GRIK3: variants seen among roughly 807,000 people sequenced by gnomAD.
GRIK3 encodes the protein glutamate receptor ionotropic, kainate 3.
In GRIK3, 29 loss-of-function variants were observed where a neutral mutation model predicts 102.5. The observed-to-expected ratio is 0.28, with a 90% CI of 0.21 to 0.39. The LOEUF is 0.39. GRIK3 is among the 10% of genes least tolerant of loss of function. The pLI, the probability that GRIK3 is intolerant of heterozygous loss-of-function variation, is 1.00. For missense variants in GRIK3, 908 were observed against 1,252.4 expected (o/e 0.73, Z 4.15); for synonymous variants, 511 against 504.9 (o/e 1.01, Z -0.16).
intron 1 of GRIK3, among the ~76,000 whole-genome samples, chr1:36,941,475 C>T (rs932024595): frequency 3.3e-5 from 5 of 152,076 alleles, no homozygotes; most frequent in African/African-American, 7.2e-5. Context: ...GGTGGCTTCA[C>T]GGGACAGGAG....
chr1:36,915,370 C>A (rs960156071), intron 1 of GRIK3, among the ~76,000 whole-genome samples: 2 of 152,320 alleles, frequency 1.3e-5, no homozygotes, highest in Non-Finnish European at 1.5e-5. Context: ...GTGCCTAGAA[C>A]AAGACCTGGC....
At chr1:36,825,953 T>A (rs1642751143) in intron 10 of GRIK3, 127 bp from the exon 11 acceptor site, 1 of 642,984 alleles carries the variant, frequency 1.6e-6, no homozygotes, top group Admixed American at 3.1e-5. Context: ...CACTAACCGC[T>A]CTTCTGTTTC....
intron 1 of GRIK3, among the ~76,000 whole-genome samples, chr1:36,902,320 AC>A (rs1641240353): frequency 6.6e-6 from 1 of 152,226 alleles, no homozygotes; most frequent in Non-Finnish European, 1.5e-5. Context: ...ACACGGCTCA[AC>A]TTCAAGACTT....
At chr1:37,009,336 T>C (rs992410575) in intron 1 of GRIK3, among the ~76,000 whole-genome samples, 1 of 152,182 alleles carries the variant, frequency 6.6e-6, no homozygotes, top group Admixed American at 6.5e-5. Context: ...AACTGAGGCC[T>C]GGGCAAGCTC....
At chr1:36,844,418 C>T (rs1640496756) in intron 9 of GRIK3, among the ~76,000 whole-genome samples, 1 of 152,226 alleles carries the variant, frequency 6.6e-6, no homozygotes, top group South Asian at 2.1e-4. Context: ...GCACTGCCTT[C>T]ATGCAAATTC....
chr1:36,913,298 G>C (rs1163360128), intron 1 of GRIK3, among the ~76,000 whole-genome samples: 2 of 152,142 alleles, frequency 1.3e-5, no homozygotes, highest in Admixed American at 1.3e-4. Context: ...CCACAGACCT[G>C]CCCTGAGAAA....
chr1:36,974,660 C>T (rs57854340), intron 1 of GRIK3, among the ~76,000 whole-genome samples: 37,789 of 151,434 alleles, frequency 0.25, 6,029 homozygotes, highest in African/African-American at 0.45. Flanking sequence ...ATTAGCCGGG[C>T]GTGGTGGTGG....
intron 1 of GRIK3, among the ~76,000 whole-genome samples, chr1:36,988,400 C>T (rs1000752439): frequency 6.6e-6 from 1 of 152,254 alleles, no homozygotes; most frequent in African/African-American, 2.4e-5. Flanking sequence ...CCAGCACTTG[C>T]CCTCCCATCT....
chr1:37,031,248 T>C (rs900028715), intron 1 of GRIK3, among the ~76,000 whole-genome samples: 1 of 152,246 alleles, frequency 6.6e-6, no homozygotes, highest in African/African-American at 2.4e-5. Flanking sequence ...GATCATTTTT[T>C]CTCGCAGACT....
chr1:36,980,779 A>G (rs57169899), intron 1 of GRIK3, among the ~76,000 whole-genome samples: 4,534 of 152,182 alleles, frequency 0.03, 198 homozygotes, highest in African/African-American at 0.094. Context: ...GTGGCAGAGA[A>G]TCCCTTCCCA....
chr1:36,803,195 C>T (rs923711793), intron 15 of GRIK3, among the ~76,000 whole-genome samples: 5 of 152,066 alleles, frequency 3.3e-5, no homozygotes, highest in Non-Finnish European at 5.9e-5. Context: ...AACATTGGAA[C>T]TGAAACAAGA....
chr1:37,012,481 A>T (rs1385259252), intron 1 of GRIK3, among the ~76,000 whole-genome samples: 11 of 152,234 alleles, frequency 7.2e-5, no homozygotes, highest in Non-Finnish European at 1.2e-4. Flanking sequence ...GCAAGGTCAC[A>T]ATTGCAAACC....
At chr1:36,817,369 T>A (rs1409547298) in intron 12 of GRIK3, 92 bp from the exon 13 acceptor site, 1 of 868,286 alleles carries the variant, frequency 1.2e-6, no homozygotes, top group Non-Finnish European at 1.9e-6. Flanking sequence ...GATACTCTAA[T>A]GAAAGCTAAG....
At chr1:36,849,586 A>T (rs2124225726) in intron 9 of GRIK3, 1 of 152,298 alleles carries the variant, frequency 6.6e-6, no homozygotes, top group Non-Finnish European at 1.5e-5. Context: ...CCCTGAGAGG[A>T]TCTGTCCTGA....
At chr1:37,031,134 T>C (rs915780468) in intron 1 of GRIK3, among the ~76,000 whole-genome samples, 2 of 152,154 alleles carry the variant, frequency 1.3e-5, no homozygotes, top group African/African-American at 4.8e-5. Flanking sequence ...ACGACGATAA[T>C]AATAATAAAA....
chr1:36,935,301 A>T (rs1396161432), intron 1 of GRIK3, among the ~76,000 whole-genome samples: 2 of 152,216 alleles, frequency 1.3e-5, no homozygotes, highest in Non-Finnish European at 2.9e-5. Flanking sequence ...CAATTTAAAC[A>T]TCTGGGTCCC....
At chr1:37,011,546 T>C (rs975888588) in intron 1 of GRIK3, among the ~76,000 whole-genome samples, 1 of 152,166 alleles carries the variant, frequency 6.6e-6, no homozygotes, top group Non-Finnish European at 1.5e-5. Flanking sequence ...GAGTCAGGAT[T>C]CAAAGATAGG....
At chr1:36,881,367 T>C (rs1640975162) in intron 2 of GRIK3, among the ~76,000 whole-genome samples, 1 of 152,136 alleles carries the variant, frequency 6.6e-6, no homozygotes, top group African/African-American at 2.4e-5. Flanking sequence ...CAGTTGGATA[T>C]CTGACATGCA....
chr1:36,880,829 T>A lies in GRIK3; in HGVS notation c.355A>T (p.Asn119Tyr). 1 of 1,614,086 alleles carries A rather than the reference T, an allele frequency of 6.2e-7. No individual in the cohort carries two copies. Residue 119 changes from asparagine (N) to tyrosine (Y), a missense_variant, in exon 3 of 16, where the codon AAT (asparagine) becomes TAT (tyrosine). Asn to Tyr is a moderately radical substitution (Grantham distance 143). This residue lies in a region of GRIK3 where 585 missense variants were observed against 824.9 expected (regional missense o/e 0.71). Transcript: ENST00000373091. The surrounding 1 kb of genome is among the most constrained non-coding windows in gnomAD (Gnocchi z 5.4). ...IFGPSQGSCT[N>Y]AVQSICNALE... ...GCATTGCAGATGGACTGGACGGCAT[T>A]GGTGCAGGAGCCCTGTGATGGGCCG... is the stretch of plus-strand genomic sequence containing the variant.
Sources: gnomAD v4.1 joint callset for allele counts (sites outside exome capture counted in the v4.1 genomes callset) on GRCh38, gnomAD v4.1.1 for gene constraint, gnomAD v4.1.1 regional missense constraint, Gnocchi (gnomAD v3.1) non-coding constraint, MANE v1.5 for transcripts, NCBI Gene and HGNC (gene_info 2026-07-23, HGNC 2026-07-21) for gene names.